Variants in FAM3C observed in about 807,000 individuals in gnomAD.
The protein encoded by FAM3C is protein FAM3C.
In FAM3C, 15 loss-of-function variants were observed where a neutral mutation model predicts 32.5. That is an observed-to-expected ratio of 0.46 (90% CI 0.31 to 0.71). The LOEUF is 0.71. FAM3C is among the 30% of genes least tolerant of loss of function. The probability of loss-of-function intolerance (pLI) is 0.05; values close to 1 mark genes in which losing one functional copy is unlikely to be tolerated. For missense variants in FAM3C, 175 were observed against 274.4 expected (o/e 0.64, Z 2.56); for synonymous variants, 75 against 86.1 (o/e 0.87, Z 0.72).
intron 5 of FAM3C, among the ~76,000 whole-genome samples, chr7:121,366,080 C>A (rs1051951789): frequency 2.7e-4 from 41 of 152,084 alleles, no homozygotes; most frequent in Admixed American, 2.7e-3. Flanking sequence ...AAATTGGAAC[C>A]TTCATACACT....
At chr7:121,395,553 C>T (rs1368970546) in intron 1 of FAM3C, among the ~76,000 whole-genome samples, 1 of 152,036 alleles carries the variant, frequency 6.6e-6, no homozygotes, top group Non-Finnish European at 1.5e-5. Context: ...CAATCCGTCA[C>T]TCACATATTC....
At chr7:121,367,227 A>T (rs1247018348) in intron 5 of FAM3C, among the ~76,000 whole-genome samples, 2 of 152,210 alleles carry the variant, frequency 1.3e-5, no homozygotes, top group Non-Finnish European at 2.9e-5. Flanking sequence ...AAATGATTAT[A>T]TCATCTGTAG....
In FAM3C at chr7:121,371,319, T is replaced by C; in HGVS notation, c.253A>G (p.Ile85Val). 1.9e-6 allele frequency: 3 copies of C among 1,613,226 alleles called. No individual in the cohort carries two copies. Among genetic ancestry groups the C allele is most frequent in the Non-Finnish European group, 2.5e-6 (3 of 1,179,808 alleles). ...ACTTACACATTATCTTCCAGGCAGA[T>C]TTTGGGTCCCACCACGTTGGCTGCT... ...SGAANVVGPKICLEDNVLMSG... is the reference protein window; with the variant it reads ...SGAANVVGPKVCLEDNVLMSG... Residue 85 changes from isoleucine (I) to valine (V), a missense_variant, in exon 5 of 10, where the codon ATC (isoleucine) becomes GTC (valine). By Grantham distance (29) the Ile-to-Val change is conservative. Transcript: ENST00000359943.
intron 3 of FAM3C, among the ~76,000 whole-genome samples, chr7:121,377,407 C>T (rs73440248): frequency 8.1e-4 from 124 of 152,284 alleles, no homozygotes; most frequent in African/African-American, 2.7e-3. Context: ...GAAAGCAAAA[C>T]TCAGTAGTCC....
intron 2 of FAM3C, among the ~76,000 whole-genome samples, chr7:121,379,848 G>T (rs1164275279): frequency 1.3e-5 from 2 of 152,012 alleles, no homozygotes; most frequent in Non-Finnish European, 2.9e-5. Flanking sequence ...AAATAATAAA[G>T]TCTTAAAAAA....
intron 8 of FAM3C, among the ~76,000 whole-genome samples, chr7:121,353,859 A>T (rs1166136262): frequency 6.6e-6 from 1 of 152,058 alleles, no homozygotes; most frequent in African/African-American, 2.4e-5. Context: ...CCCTTTGCTC[A>T]TTTTGCTTTG....
chr7:121,351,312 C>A, intron 8 of FAM3C, 43 bp from the exon 9 acceptor site: 1 of 1,588,066 alleles, frequency 6.3e-7, no homozygotes, highest in Non-Finnish European at 8.6e-7. Flanking sequence ...ACAGAGGGAA[C>A]TGTATGCTAA....
At chr7:121,385,476 G>C (rs1794448135) in intron 1 of FAM3C, among the ~76,000 whole-genome samples, 1 of 152,174 alleles carries the variant, frequency 6.6e-6, no homozygotes, top group Non-Finnish European at 1.5e-5. Flanking sequence ...AAGAGCGCCT[G>C]AACTAGGGCC....
At chr7:121,365,002 G>A (rs1793997906) in intron 5 of FAM3C, among the ~76,000 whole-genome samples, 1 of 152,064 alleles carries the variant, frequency 6.6e-6, no homozygotes, top group African/African-American at 2.4e-5. Context: ...AGGAGAGAGA[G>A]GCAATATGCA....
intron 3 of FAM3C, among the ~76,000 whole-genome samples, chr7:121,377,047 A>G (rs995236759): frequency 1.3e-5 from 2 of 152,050 alleles, no homozygotes; most frequent in Non-Finnish European, 2.9e-5. Flanking sequence ...CATAATCCCT[A>G]TGTGTCATGG....
At chr7:121,390,529 T>C (rs1384496473) in intron 1 of FAM3C, among the ~76,000 whole-genome samples, 1 of 152,142 alleles carries the variant, frequency 6.6e-6, no homozygotes, top group Non-Finnish European at 1.5e-5. Context: ...GATTGGAAAT[T>C]AGGGCTTAGG....
intron 8 of FAM3C, among the ~76,000 whole-genome samples, chr7:121,354,409 G>A (rs922629895): frequency 6.6e-6 from 1 of 152,176 alleles, no homozygotes; most frequent in South Asian, 2.1e-4. Flanking sequence ...ACAGAGAACG[G>A]TATCAGGTTT....
chr7:121,386,888 G>A (rs865987159), intron 1 of FAM3C, among the ~76,000 whole-genome samples: 7 of 151,974 alleles, frequency 4.6e-5, no homozygotes, highest in Middle Eastern at 3.2e-3. Context: ...TTACTCCGAT[G>A]TTGCATTTAC....
chr7:121,395,805 G>A (rs867912185), intron 1 of FAM3C, among the ~76,000 whole-genome samples: 8 of 152,046 alleles, frequency 5.3e-5, no homozygotes, highest in Admixed American at 2.0e-4. Context: ...ACACGCTGCA[G>A]GGGCGCGAGC....
chr7:121,351,032 A>T (rs1316248008), intron 9 of FAM3C, 111 bp downstream of exon 9: 2 of 954,254 alleles, frequency 2.1e-6, no homozygotes, highest in African/African-American at 3.3e-5. Flanking sequence ...CAAATATATG[A>T]TCATATTTAC....
At chr7:121,368,223 A>G (rs890962398) in intron 5 of FAM3C, among the ~76,000 whole-genome samples, 3 of 152,148 alleles carry the variant, frequency 2.0e-5, no homozygotes, top group African/African-American at 7.2e-5. Flanking sequence ...GGATGAGCTG[A>G]CCTATGCACT....
chr7:121,382,007 T>C (rs566795063), intron 2 of FAM3C, among the ~76,000 whole-genome samples: 1 of 152,288 alleles, frequency 6.6e-6, no homozygotes, highest in East Asian at 1.9e-4. Context: ...AATAATTGGT[T>C]TGCTGCTGAG....
chr7:121,379,016 TA>T lies in FAM3C; in HGVS notation c.14-3del. ...CAGCTACCACCAACTTTGCAGCACC[TA>T]AAAGGCAGAAGTATTTCAGCATAAC... On this transcript the variant is annotated splice_region_variant and splice_polypyrimidine_tract_variant and intron_variant, in intron 2 of 9. Coordinates refer to ENST00000359943, the MANE Select transcript of FAM3C (RefSeq NM_014888.3). 7 of 1,515,808 alleles carry T rather than the reference TA, an allele frequency of 4.6e-6. No individual in the cohort carries two copies. Among genetic ancestry groups the T allele is most frequent in the Admixed American group, 2.0e-5 (1 of 49,198 alleles). The allele number at this position is 1,515,808 out of a possible 1,614,324, so 93.9% of individuals were successfully genotyped here.
intron 8 of FAM3C, among the ~76,000 whole-genome samples, chr7:121,357,051 A>G (rs1793828505): frequency 6.6e-6 from 1 of 152,186 alleles, no homozygotes; most frequent in Non-Finnish European, 1.5e-5. Context: ...AATATAAGGT[A>G]CCATCCTCAA....
Sources: gnomAD v4.1 joint callset for allele counts (sites outside exome capture counted in the v4.1 genomes callset) on GRCh38, gnomAD v4.1.1 for gene constraint, MANE v1.5 for transcripts, NCBI Gene and HGNC (gene_info 2026-07-23, HGNC 2026-07-21) for gene names.